The following NAV1 variants were observed in gnomAD, a reference collection of about 807,000 sequenced individuals.
NAV1 encodes neuron navigator 1.
In NAV1, 18 loss-of-function variants were observed where a neutral mutation model predicts 175.2. The observed-to-expected ratio is 0.10, with a 90% CI of 0.07 to 0.15. The LOEUF is 0.15. NAV1 is among the 10% of genes least tolerant of loss of function. The pLI is 1.00. For missense variants in NAV1, 1,731 were observed against 2,436.6 expected, an observed-to-expected ratio of 0.71 and a Z score of 6.10; for synonymous variants, 897 against 978.7, an observed-to-expected ratio of 0.92 and a Z score of 1.56.
intron 3 of NAV1, among the ~76,000 whole-genome samples, chr1:201,734,319 G>A (rs753502920): frequency 1.3e-3 from 204 of 151,830 alleles, no homozygotes; most frequent in Non-Finnish European, 2.3e-3. Flanking sequence ...GAGGTGGGAG[G>A]ATCGCTTGAG....
chr1:201,639,730 C>T (rs79473397), intron 2 of NAV1, among the ~76,000 whole-genome samples: 2,831 of 152,252 alleles, frequency 0.019, 78 homozygotes, highest in African/African-American at 0.065. Context: ...CCCTCCAGGA[C>T]GACAAAGCCC....
In NAV1 at chr1:201,740,231, C is replaced by A. The variant is rs1673325657; in HGVS notation, c.1226+21476C>A. ...TCCGCAAGAAGGAGGGTCTTGGCCG[C>A]GCTCGCTTTTCCGCCAGAGAGGAGT... On this transcript the variant is annotated intron_variant, in intron 3 of 29. Transcript: ENST00000367296. This position sits in a 1 kb window ranked among gnomAD's most constrained non-coding sequence, Gnocchi z 4.7. Among the ~76,000 whole-genome samples the A allele has an allele frequency of 6.6e-6, 1 of 152,196 alleles. No individual in the cohort carries two copies. Among genetic ancestry groups the A allele is most frequent in the Admixed American group, 6.5e-5 (1 of 15,280 alleles).
chr1:201,767,010 C>T (rs913641199), intron 3 of NAV1, among the ~76,000 whole-genome samples: 4 of 151,504 alleles, frequency 2.6e-5, no homozygotes, highest in Admixed American at 6.6e-5. Flanking sequence ...TTAGTAGAGA[C>T]AGGGTTTCAC....
At chr1:201,625,308 C>T (rs1212843450) in intron 1 of NAV1, among the ~76,000 whole-genome samples, 1 of 152,172 alleles carries the variant, frequency 6.6e-6, no homozygotes, top group Non-Finnish European at 1.5e-5. Context: ...GGTGCAGCTC[C>T]AAAGACCTGA....
At chr1:201,648,919 A>G in exon 1 of NAV1, 2 of 1,612,784 alleles carry the variant, frequency 1.2e-6, no homozygotes, top group Non-Finnish European at 1.7e-6. Context: ...CCCGCCTCCA[A>G]CCTGCGCAAG....
intron 1 of NAV1, among the ~76,000 whole-genome samples, chr1:201,559,108 G>T (rs1469875116): frequency 6.6e-6 from 1 of 152,148 alleles, no homozygotes; most frequent in Non-Finnish European, 1.5e-5. Context: ...AGGATTGAAG[G>T]AGATAACGCG....
chr1:201,682,116 A>C (rs545327340), intron 1 of NAV1, among the ~76,000 whole-genome samples: 2 of 27,666 alleles, frequency 7.2e-5, no homozygotes, highest in African/African-American at 8.0e-4. Context: ...ACTCCATCTC[A>C]AAAAAAAAAA....
chr1:201,585,563 T>A (rs1480012128), intron 1 of NAV1, among the ~76,000 whole-genome samples: 1 of 152,158 alleles, frequency 6.6e-6, no homozygotes, highest in Non-Finnish European at 1.5e-5. Flanking sequence ...GCAAATCTTA[T>A]ATCTGATAAG....
intron 3 of NAV1, among the ~76,000 whole-genome samples, chr1:201,728,156 C>T (rs1042746796): frequency 3.9e-5 from 6 of 152,094 alleles, no homozygotes; most frequent in Admixed American, 2.0e-4. Flanking sequence ...GGATCTCACT[C>T]TGTTGCACAG....
At chr1:201,675,271 A>T (rs1670202634) in intron 1 of NAV1, among the ~76,000 whole-genome samples, 1 of 152,136 alleles carries the variant, frequency 6.6e-6, no homozygotes, top group South Asian at 2.1e-4. Context: ...TTCAGTGCCA[A>T]ATCTGCTCCT....
At chr1:201,556,447 A>G (rs993621190) in intron 1 of NAV1, among the ~76,000 whole-genome samples, 3 of 150,998 alleles carry the variant, frequency 2.0e-5, no homozygotes, top group Admixed American at 6.6e-5. Flanking sequence ...AGGTCTGGTA[A>G]GCAAACCAGT....
chr1:201,560,302 C>A (rs1666160947), intron 1 of NAV1, among the ~76,000 whole-genome samples: 1 of 152,128 alleles, frequency 6.6e-6, no homozygotes, highest in African/African-American at 2.4e-5. Context: ...ATGGCAAGAG[C>A]AAAAGGTCAA....
chr1:201,766,681 T>G (rs1016840017), intron 3 of NAV1, among the ~76,000 whole-genome samples: 1 of 152,228 alleles, frequency 6.6e-6, no homozygotes, highest in African/African-American at 2.4e-5. Flanking sequence ...CGTAGCTTTC[T>G]CAGGTCATGG....
At chr1:201,620,231 G>C (rs1405285012), upstream of NAV1, among the ~76,000 whole-genome samples, 1 of 152,140 alleles carries the variant, frequency 6.6e-6, no homozygotes, top group Non-Finnish European at 1.5e-5. Flanking sequence ...AATATGGAAG[G>C]GGGGATCCCA....
chr1:201,809,876 C>A, intron 22 of NAV1, 70 bp from the exon 27 acceptor site: 1 of 1,393,902 alleles, frequency 7.2e-7, no homozygotes, highest in Non-Finnish European at 1.0e-6. Flanking sequence ...CTCTGATAGA[C>A]ATTCTTTGTT....
At chr1:201,793,909 T>TGGGGGGGGGGGGGGGGGC in intron 14 of NAV1, 34 bp downstream of exon 18, 1 of 516,474 alleles carries the variant, frequency 1.9e-6, no homozygotes, top group African/African-American at 2.0e-5. Context: ...GAGGGGTGGG[T>TGGGGGGGGGGGGGGGGGC]GCGGCGAGGG....
At chr1:201,573,170 T>C (rs1358940143) in intron 1 of NAV1, among the ~76,000 whole-genome samples, 1 of 152,252 alleles carries the variant, frequency 6.6e-6, no homozygotes, top group Non-Finnish European at 1.5e-5. Context: ...GAATTTACCA[T>C]GTAGGCCAGA....
chr1:201,733,767 G>A (rs1189133568), intron 3 of NAV1, among the ~76,000 whole-genome samples: 5 of 152,172 alleles, frequency 3.3e-5, no homozygotes, highest in Non-Finnish European at 7.3e-5. Context: ...ATCGGCATAA[G>A]TTCAAGGAAC....
chr1:201,806,176 G>A (rs554529083), intron 17 of NAV1, among the ~76,000 whole-genome samples: 4 of 151,926 alleles, frequency 2.6e-5, no homozygotes, highest in Admixed American at 6.6e-5. Context: ...GTAGAGACGC[G>A]GTTTCACCAT....
Sources: gnomAD v4.1 joint callset for allele counts (sites outside exome capture counted in the v4.1 genomes callset) on GRCh38, gnomAD v4.1.1 for gene constraint, Gnocchi (gnomAD v3.1) non-coding constraint, MANE v1.5 for transcripts, NCBI Gene and HGNC (gene_info 2026-07-23, HGNC 2026-07-21) for gene names.